Variants in CELF1 observed in about 807,000 individuals in gnomAD.
CELF1 encodes the protein 50 kDa nuclear polyadenylated RNA-binding protein.
In CELF1, 10 loss-of-function variants were observed where a neutral mutation model predicts 61.8. The ratio of observed to expected loss-of-function variants is 0.16; its 90% CI spans 0.10 to 0.27. The LOEUF is 0.27. CELF1 is among the 10% of genes least tolerant of loss of function. The probability of loss-of-function intolerance (pLI) is 1.00; values close to 1 mark genes in which losing one functional copy is unlikely to be tolerated. For synonymous variants in CELF1, 236 were observed against 225.1 expected (o/e 1.05, Z -0.43); for missense variants, 380 against 639.1 (o/e 0.59, Z 4.37).
intron 1 of CELF1, among the ~76,000 whole-genome samples, chr11:47,515,926 A>T (rs1018151142): frequency 1.5e-4 from 22 of 151,148 alleles, no homozygotes; most frequent in South Asian, 6.3e-4. Context: ...TTACTTATTT[A>T]TTTTTTTTTA....
At chr11:47,517,846 G>A (rs1489017136) in intron 1 of CELF1, among the ~76,000 whole-genome samples, 1 of 152,050 alleles carries the variant, frequency 6.6e-6, no homozygotes, top group Non-Finnish European at 1.5e-5. Context: ...TAGAGATGGG[G>A]TTTCACCATG....
chr11:47,525,847 A>G (rs1237218527), intron 1 of CELF1, among the ~76,000 whole-genome samples: 2 of 151,620 alleles, frequency 1.3e-5, no homozygotes, highest in Non-Finnish European at 2.9e-5. Flanking sequence ...TGGTAGGCCA[A>G]GGTGGGTGGA....
At chr11:47,521,516 C>T (rs2095883506) in intron 1 of CELF1, among the ~76,000 whole-genome samples, 2 of 152,230 alleles carry the variant, frequency 1.3e-5, no homozygotes, top group South Asian at 2.1e-4. Flanking sequence ...AGCCAGGTAA[C>T]TGGGGAAATT....
chr11:47,502,757 G>A (rs1458529236), intron 1 of CELF1, among the ~76,000 whole-genome samples: 3 of 152,084 alleles, frequency 2.0e-5, no homozygotes, highest in Non-Finnish European at 4.4e-5. Flanking sequence ...ACTTGAACCC[G>A]GGAGGCGGAG....
At chr11:47,506,358 C>T (rs1240013938) in intron 1 of CELF1, among the ~76,000 whole-genome samples, 1 of 141,306 alleles carries the variant, frequency 7.1e-6, no homozygotes, top group Non-Finnish European at 1.6e-5. Flanking sequence ...ACCCGGGAGG[C>T]GGAGGGGTTG....
At chr11:47,477,457 A>C (rs201420311) in intron 10 of CELF1, 32 bp from the exon 11 acceptor site, 204 of 1,609,270 alleles carry the variant, frequency 1.3e-4, no homozygotes, top group Non-Finnish European at 1.7e-4. Flanking sequence ...ATTAGCCAGC[A>C]GATAAGGGTG....
At position 47,473,314 on chromosome 11, in the gene CELF1, T is replaced by A. The variant is rs1191370753; in HGVS notation, c.1274-83A>T. 4.7e-6 allele frequency: 6 copies of A among 1,278,216 alleles called. No homozygotes were observed. In the South Asian group the frequency reaches 6.9e-5, roughly 15 times the overall value. The allele number at this position is 1,278,216 out of a possible 1,614,324, so 79.2% of individuals were successfully genotyped here. ...ACCAGTGATCTTTCATTTCCACCTA[T>A]GTTAAAACTGTCACAATCCCTAAAA... On this transcript the variant is annotated intron_variant, in intron 13 of 14. Coordinates refer to ENST00000687097, the MANE Select transcript of CELF1 (RefSeq NM_001376376.1).
intron 1 of CELF1, among the ~76,000 whole-genome samples, chr11:47,510,899 T>C (rs964457729): frequency 2.0e-5 from 3 of 152,048 alleles, no homozygotes; most frequent in Non-Finnish European, 2.9e-5. Context: ...AAAAAGAATT[T>C]AGCTGGGTAC....
intron 3 of CELF1, among the ~76,000 whole-genome samples, chr11:47,491,311 C>A (rs1281793373): frequency 1.3e-5 from 2 of 150,844 alleles, no homozygotes; most frequent in Non-Finnish European, 3.0e-5. Flanking sequence ...TACAGGTATG[C>A]GCCACCATGC....
intron 12 of CELF1, 59 bp from the exon 13 acceptor site, chr11:47,475,580 A>T: frequency 6.4e-7 from 1 of 1,556,936 alleles, no homozygotes; most frequent in Non-Finnish European, 8.8e-7. Context: ...TGCCAAAGAC[A>T]AGTCTACTTG....
At chr11:47,527,719 CT>C (rs1198608631) in intron 1 of CELF1, among the ~76,000 whole-genome samples, 1 of 152,162 alleles carries the variant, frequency 6.6e-6, no homozygotes, top group Non-Finnish European at 1.5e-5. Flanking sequence ...AATTAATATG[CT>C]TTTTTCGTGT....
chr11:47,485,355 CAG>C (rs1353766705), intron 6 of CELF1, among the ~76,000 whole-genome samples: 1 of 151,846 alleles, frequency 6.6e-6, no homozygotes, highest in Non-Finnish European at 1.5e-5. Flanking sequence ...TAATTTTTTG[CAG>C]AGAGGTTTCA....
intron 1 of CELF1, among the ~76,000 whole-genome samples, chr11:47,543,174 C>G (rs1413325617): frequency 1.3e-5 from 2 of 152,120 alleles, no homozygotes; most frequent in Admixed American, 6.6e-5. Context: ...GAGGCCGAGG[C>G]AGGAGGATTG....
intron 3 of CELF1, among the ~76,000 whole-genome samples, chr11:47,496,681 G>T (rs1047420761): frequency 1.3e-5 from 2 of 152,166 alleles, no homozygotes; most frequent in Non-Finnish European, 2.9e-5. Context: ...TAAGGGTGAT[G>T]AAGAAATGGT....
intron 1 of CELF1, among the ~76,000 whole-genome samples, chr11:47,520,366 T>C (rs1343317532): frequency 1.3e-5 from 2 of 152,236 alleles, no homozygotes; most frequent in African/African-American, 4.8e-5. Context: ...AATTCCTTCA[T>C]CATCATTTCT....
intron 1 of CELF1, among the ~76,000 whole-genome samples, chr11:47,539,700 C>T (rs1474316249): frequency 2.6e-5 from 4 of 152,164 alleles, no homozygotes; most frequent in Non-Finnish European, 5.9e-5. Flanking sequence ...TGAAAGGGTA[C>T]TAGACCACTC....
intron 2 of CELF1, among the ~76,000 whole-genome samples, chr11:47,563,741 C>A (rs2153792103): frequency 6.6e-6 from 1 of 152,304 alleles, no homozygotes; most frequent in Non-Finnish European, 1.5e-5. Context: ...ACCAGATGGG[C>A]CGGGCATGGT....
chr11:47,472,366 C>T lies in CELF1; in HGVS notation c.1418-9G>A. On this transcript the variant is annotated splice_polypyrimidine_tract_variant and intron_variant, in intron 14 of 14. Transcript: ENST00000687097. ...GTCGTAACTTACAAAACCTGTGTGT[C>T]CAAGCAGAAACCTAGGTGAGGGACA... The T allele has an allele frequency of 1.2e-6, 2 of 1,612,802 alleles. No homozygotes were observed. The highest frequency in any genetic ancestry group is 1.7e-6 in the Non-Finnish European group (2 of 1,178,900).
chr11:47,477,074 C>A (rs1164985447), intron 11 of CELF1, 115 bp from the exon 12 acceptor site: 1 of 967,804 alleles, frequency 1.0e-6, no homozygotes, highest in East Asian at 2.5e-5. Flanking sequence ...GTTACTAATT[C>A]TAACAACTGT....
Sources: allele counts gnomAD v4.1 joint callset (sites outside exome capture counted in the v4.1 genomes callset), GRCh38; gene constraint gnomAD v4.1.1; transcripts MANE v1.5; gene names NCBI Gene and HGNC (gene_info 2026-07-23, HGNC 2026-07-21).